PHLDB2: variants seen among roughly 807,000 people sequenced by gnomAD.
The protein encoded by PHLDB2 is pleckstrin homology like domain family B member 2.
In PHLDB2, 71 loss-of-function variants were observed where a neutral mutation model predicts 123.6. That is an observed-to-expected ratio of 0.57 (90% CI 0.47 to 0.70). The LOEUF (loss-of-function observed/expected upper bound fraction) is 0.70, where lower values mean the gene tolerates loss of function less well. PHLDB2 is among the 30% of genes least tolerant of loss of function. PHLDB2 has a pLI of 0.00. For missense variants in PHLDB2, 1,446 were observed against 1,519.5 expected (o/e 0.95, Z 0.80); for synonymous variants, 547 against 541.6 (o/e 1.01, Z -0.14).
At chr3:111,946,412 C>G (rs1352606163) in intron 9 of PHLDB2, among the ~76,000 whole-genome samples, 1 of 152,120 alleles carries the variant, frequency 6.6e-6, no homozygotes, top group Non-Finnish European at 1.5e-5. Flanking sequence ...AAAAAAAACC[C>G]TTTAGACAGT....
intron 1 of PHLDB2, among the ~76,000 whole-genome samples, chr3:111,872,410 T>TCCCCACTTCCCTCCCTC: frequency 6.6e-6 from 1 of 152,246 alleles, no homozygotes; most frequent in Middle Eastern, 3.4e-3. Flanking sequence ...AGACCTCCCT[T>TCCCCACTTCCCTCCCTC]CCCCACTTCC....
intron 2 of PHLDB2, among the ~76,000 whole-genome samples, chr3:111,904,240 T>A (rs1241805853): frequency 7.9e-6 from 1 of 125,984 alleles, no homozygotes; most frequent in Non-Finnish European, 1.6e-5. Flanking sequence ...ATTGCAACAC[T>A]GCACTATAGC....
At chr3:111,742,615 C>T (rs1450735284) in intron 1 of PHLDB2, among the ~76,000 whole-genome samples, 2 of 152,172 alleles carry the variant, frequency 1.3e-5, no homozygotes, top group African/African-American at 4.8e-5. Context: ...CCAGCTTCAT[C>T]CATGTCCCTA....
intron 1 of PHLDB2, among the ~76,000 whole-genome samples, chr3:111,882,851 G>A (rs1245113393): frequency 6.6e-6 from 1 of 152,176 alleles, no homozygotes; most frequent in Non-Finnish European, 1.5e-5. Context: ...GAAAGCTTAT[G>A]TTCATCAAGT....
At chr3:111,735,292 C>T (rs1941649269) in intron 1 of PHLDB2, among the ~76,000 whole-genome samples, 1 of 152,152 alleles carries the variant, frequency 6.6e-6, no homozygotes, top group South Asian at 2.1e-4. Context: ...CCAAAGAGAC[C>T]CATGTCGGCT....
At chr3:111,771,452 T>A (rs1436957930) in intron 1 of PHLDB2, among the ~76,000 whole-genome samples, 1 of 151,882 alleles carries the variant, frequency 6.6e-6, no homozygotes, top group Non-Finnish European at 1.5e-5. Flanking sequence ...TGGGTTCAAG[T>A]GATTCTCGTG....
chr3:111,866,150 C>A (rs2108677104), intron 1 of PHLDB2, among the ~76,000 whole-genome samples: 1 of 151,078 alleles, frequency 6.6e-6, no homozygotes, highest in South Asian at 2.1e-4. Flanking sequence ...TCCCGAGTAG[C>A]TGGGATTACA....
intron 2 of PHLDB2, among the ~76,000 whole-genome samples, chr3:111,888,526 A>C (rs917738247): frequency 6.6e-6 from 1 of 152,210 alleles, no homozygotes; most frequent in African/African-American, 2.4e-5. Flanking sequence ...AAGAAAGCTC[A>C]AATCATTCAA....
chr3:111,959,204 C>T (rs1424793418), intron 12 of PHLDB2, among the ~76,000 whole-genome samples: 13 of 152,246 alleles, frequency 8.5e-5, no homozygotes, highest in Admixed American at 7.9e-4. Flanking sequence ...CCAAAATGAG[C>T]TCTTTGGAAT....
chr3:111,770,592 A>G (rs542235949), intron 1 of PHLDB2, among the ~76,000 whole-genome samples: 1 of 152,312 alleles, frequency 6.6e-6, no homozygotes, highest in East Asian at 1.9e-4. Flanking sequence ...TGTGTAGTGT[A>G]TAAATTACCA....
intron 5 of PHLDB2, among the ~76,000 whole-genome samples, chr3:111,929,514 T>C (rs533423977): frequency 6.6e-6 from 1 of 152,224 alleles, no homozygotes; most frequent in South Asian, 2.1e-4. Context: ...GGTGAAACTT[T>C]CAGCTCTAAT....
chr3:111,763,282 A>G (rs2060025763), intron 1 of PHLDB2, among the ~76,000 whole-genome samples: 1 of 152,210 alleles, frequency 6.6e-6, no homozygotes, highest in South Asian at 2.1e-4. Flanking sequence ...TATTTCTATG[A>G]CAAGTTACTC....
At chr3:111,876,103 G>A (rs73228545) in intron 1 of PHLDB2, among the ~76,000 whole-genome samples, 15,759 of 152,146 alleles carry the variant, frequency 0.1, 1,069 homozygotes, top group Non-Finnish European at 0.15. Context: ...TATTGAGGAG[G>A]CAAGAGCAGA....
intron 8 of PHLDB2, among the ~76,000 whole-genome samples, chr3:111,944,512 A>C (rs1413883415): frequency 2.0e-5 from 3 of 152,188 alleles, no homozygotes; most frequent in African/African-American, 7.2e-5. Flanking sequence ...GTAAAAGCTA[A>C]CACCATAAAG....
At chr3:111,940,794 A>G in intron 8 of PHLDB2, 149 bp downstream of exon 8, 1 of 410,976 alleles carries the variant, frequency 2.4e-6, no homozygotes, top group Non-Finnish European at 4.4e-6. Context: ...AATCCTCCAC[A>G]TTCATAAGCT....
At chr3:111,734,949 C>T (rs1941637119) in intron 1 of PHLDB2, among the ~76,000 whole-genome samples, 1 of 152,178 alleles carries the variant, frequency 6.6e-6, no homozygotes, top group South Asian at 2.1e-4. Flanking sequence ...ATAAAACAGG[C>T]AAGAGCAAAA....
At chr3:111,885,647 G>A (rs752782469) in intron 2 of PHLDB2, 13 of 699,602 alleles carry the variant, frequency 1.9e-5, no homozygotes, top group South Asian at 6.2e-5. Flanking sequence ...GTTGCTCTGC[G>A]GACTTCTCAC....
intron 1 of PHLDB2, among the ~76,000 whole-genome samples, chr3:111,843,505 C>G (rs555673801): frequency 6.6e-5 from 10 of 152,340 alleles, no homozygotes; most frequent in Admixed American, 4.6e-4. Context: ...ATCCTCCTGC[C>G]TCAACCTCCA....
At chr3:111,951,114 G>A (rs2070687778) in intron 10 of PHLDB2, among the ~76,000 whole-genome samples, 2 of 152,128 alleles carry the variant, frequency 1.3e-5, no homozygotes, top group African/African-American at 4.8e-5. Flanking sequence ...GTCATAGTGG[G>A]AGCTAGATTG....
Sources: gnomAD v4.1 joint callset for allele counts (sites outside exome capture counted in the v4.1 genomes callset) on GRCh38, gnomAD v4.1.1 for gene constraint, MANE v1.5 for transcripts, NCBI Gene and HGNC (gene_info 2026-07-23, HGNC 2026-07-21) for gene names.